The following TSHZ2 variants were observed in gnomAD, a reference collection of about 807,000 sequenced individuals.
TSHZ2 encodes the protein teashirt zinc finger homeobox 2.
A neutral mutation model predicts 74.4 loss-of-function variants in TSHZ2; 21 were observed. The ratio of observed to expected loss-of-function variants is 0.28; its 90% CI spans 0.20 to 0.41. TSHZ2 has a LOEUF of 0.41. Among genes scored for constraint, TSHZ2 ranks in the 10% least tolerant of loss-of-function variants. The pLI, the probability that TSHZ2 is intolerant of heterozygous loss-of-function variation, is 1.00. For synonymous variants in TSHZ2, 540 were observed against 515.3 expected (o/e 1.05, Z -0.65); for missense variants, 1,244 against 1,293.5 (o/e 0.96, Z 0.59).
intron 1 of TSHZ2, among the ~76,000 whole-genome samples, chr20:53,170,966 A>C (rs1004410453): frequency 7.3e-5 from 11 of 150,792 alleles, no homozygotes; most frequent in Non-Finnish European, 1.0e-4. Context: ...AAAAAAAAAA[A>C]CACAAAAAGA....
At chr20:52,981,548 A>G (rs1281719035) in intron 1 of TSHZ2, among the ~76,000 whole-genome samples, 1 of 152,232 alleles carries the variant, frequency 6.6e-6, no homozygotes, top group African/African-American at 2.4e-5. Context: ...AATTTATATT[A>G]ACTGGGAAAC....
chr20:53,248,236 A>AT (rs763355998), intron 1 of TSHZ2, among the ~76,000 whole-genome samples: 4,318 of 144,870 alleles, frequency 0.03, 92 homozygotes, highest in Middle Eastern at 0.05. Context: ...ATGCCTGGCT[A>AT]TTTTTTTTTT....
At chr20:53,089,144 C>T (rs1407695338) in intron 1 of TSHZ2, among the ~76,000 whole-genome samples, 3 of 151,216 alleles carry the variant, frequency 2.0e-5, no homozygotes, top group Non-Finnish European at 2.9e-5. Context: ...AACAGCATGT[C>T]AGCTGAGAGT....
At chr20:53,461,042 G>A (rs1380232885) in intron 2 of TSHZ2, among the ~76,000 whole-genome samples, 8 of 152,176 alleles carry the variant, frequency 5.3e-5, no homozygotes, top group Admixed American at 4.6e-4. Context: ...AGGCAGGCAG[G>A]CCTCCTTGAG....
At chr20:53,470,558 G>T (rs1985767221) in intron 2 of TSHZ2, among the ~76,000 whole-genome samples, 1 of 152,192 alleles carries the variant, frequency 6.6e-6, no homozygotes, top group Non-Finnish European at 1.5e-5. Flanking sequence ...GCTCATGCCT[G>T]TAATCCCAGT....
In TSHZ2 at chr20:53,202,479, T is replaced by A. The variant is rs184700224; in HGVS notation, c.41-51020T>A. Among the ~76,000 whole-genome samples, 5 of 152,264 alleles carry A rather than the reference T, an allele frequency of 3.3e-5. No individual in the cohort carries two copies. The East Asian group carries it at 9.6e-4, about 29-fold the overall frequency. On this transcript the variant is annotated intron_variant, in intron 1 of 2. Transcript: ENST00000371497. ...TAATTTTATATGCCCCCTTAATCATTGCTAGAATTTAGCGAACACTTACTG... is the reference window on the plus strand; with the variant it reads ...TAATTTTATATGCCCCCTTAATCATAGCTAGAATTTAGCGAACACTTACTG...
intron 2 of TSHZ2, among the ~76,000 whole-genome samples, chr20:53,485,799 T>C (rs1986276713): frequency 6.6e-6 from 1 of 152,136 alleles, no homozygotes. Flanking sequence ...CATAGGTTAA[T>C]AGGTTGTTTT....
chr20:53,095,696 G>A (rs1469422234), intron 1 of TSHZ2, among the ~76,000 whole-genome samples: 3 of 152,082 alleles, frequency 2.0e-5, no homozygotes, highest in Admixed American at 6.6e-5. Context: ...GGGCTGTCTC[G>A]TGAACTGTAA....
At chr20:53,084,496 A>G (rs1320469354) in intron 1 of TSHZ2, among the ~76,000 whole-genome samples, 2 of 152,218 alleles carry the variant, frequency 1.3e-5, no homozygotes, top group Non-Finnish European at 2.9e-5. Context: ...AACTTCTATC[A>G]GTTTGGTTAG....
chr20:53,002,729 G>C (rs1427617107), intron 1 of TSHZ2, among the ~76,000 whole-genome samples: 1 of 152,144 alleles, frequency 6.6e-6, no homozygotes, highest in African/African-American at 2.4e-5. Context: ...GTATAAGGAT[G>C]TCCAGTACAG....
chr20:53,140,073 C>T (rs1987349265), intron 1 of TSHZ2, among the ~76,000 whole-genome samples: 1 of 152,048 alleles, frequency 6.6e-6, no homozygotes, highest in Admixed American at 6.5e-5. Context: ...CTGTTCTAGG[C>T]TCTCAGTGCA....
intron 1 of TSHZ2, among the ~76,000 whole-genome samples, chr20:53,205,082 C>T (rs1989133263): frequency 6.8e-6 from 1 of 148,022 alleles, no homozygotes; most frequent in Admixed American, 6.7e-5. Flanking sequence ...CAGAGGGAGA[C>T]TCCATCTCAA....
intron 1 of TSHZ2, among the ~76,000 whole-genome samples, chr20:53,102,189 C>T (rs765239714): frequency 1.7e-4 from 26 of 151,764 alleles, no homozygotes; most frequent in Non-Finnish European, 2.2e-4. Flanking sequence ...ACAATATGTA[C>T]GCAACTTTAG....
chr20:53,023,313 C>T (rs1049580670), intron 1 of TSHZ2, among the ~76,000 whole-genome samples: 1 of 152,156 alleles, frequency 6.6e-6, no homozygotes, highest in African/African-American at 2.4e-5. Flanking sequence ...TCTATAGAGC[C>T]TTTAACTCAA....
At chr20:53,169,760 C>A (rs906280588) in intron 1 of TSHZ2, among the ~76,000 whole-genome samples, 1 of 152,132 alleles carries the variant, frequency 6.6e-6, no homozygotes, top group Non-Finnish European at 1.5e-5. Flanking sequence ...GAATAGTTGT[C>A]TATTTTTATA....
At chr20:53,103,974 T>C (rs1488849458) in intron 1 of TSHZ2, among the ~76,000 whole-genome samples, 1 of 152,188 alleles carries the variant, frequency 6.6e-6, no homozygotes, top group Non-Finnish European at 1.5e-5. Flanking sequence ...TGATGGACTT[T>C]TAATGACTTC....
intron 1 of TSHZ2, among the ~76,000 whole-genome samples, chr20:53,251,408 T>G (rs1344424912): frequency 1.3e-5 from 2 of 152,240 alleles, no homozygotes; most frequent in Non-Finnish European, 1.5e-5. Context: ...ATCTATTTTT[T>G]GCAAACATAC....
At chr20:53,400,752 T>G (rs1268458452) in intron 2 of TSHZ2, among the ~76,000 whole-genome samples, 1 of 152,148 alleles carries the variant, frequency 6.6e-6, no homozygotes, top group African/African-American at 2.4e-5. Context: ...TCTAATGAGT[T>G]CATCTCAATC....
chr20:53,049,094 C>T (rs977956245), intron 1 of TSHZ2, among the ~76,000 whole-genome samples: 5 of 151,988 alleles, frequency 3.3e-5, no homozygotes, highest in African/African-American at 1.2e-4. Flanking sequence ...TTGTAAAATG[C>T]CCAGAAGCCC....
Sources: gnomAD v4.1 joint callset for allele counts (sites outside exome capture counted in the v4.1 genomes callset) on GRCh38, gnomAD v4.1.1 for gene constraint, MANE v1.5 for transcripts, NCBI Gene and HGNC (gene_info 2026-07-23, HGNC 2026-07-21) for gene names.